Variants in PCDHGA10 observed in about 807,000 individuals in gnomAD.
The protein encoded by PCDHGA10 is protocadherin gamma subfamily A, 10.
A neutral mutation model predicts 59.5 loss-of-function variants in PCDHGA10; 42 were observed. The observed-to-expected ratio is 0.71, with a 90% CI of 0.55 to 0.91. The LOEUF (loss-of-function observed/expected upper bound fraction) is 0.91, where lower values mean the gene tolerates loss of function less well. Among genes scored for constraint, PCDHGA10 ranks in the 40% least tolerant of loss-of-function variants. PCDHGA10 has a pLI of 0.00. For synonymous variants in PCDHGA10, 511 were observed against 517.2 expected, an observed-to-expected ratio of 0.99 and a Z score of 0.16; for missense variants, 1,111 against 1,198.2, an observed-to-expected ratio of 0.93 and a Z score of 1.07.
intron 1 of PCDHGA10, among the ~76,000 whole-genome samples, chr5:141,444,199 T>C (rs2098425653): frequency 7.4e-6 from 1 of 134,516 alleles, no homozygotes; most frequent in African/African-American, 2.9e-5. Context: ...GAGATGGAGT[T>C]TCACTCTTGT....
At chr5:141,419,656 G>A (rs1374057056) in intron 1 of PCDHGA10, 15 of 1,612,528 alleles carry the variant, frequency 9.3e-6, no homozygotes, top group Non-Finnish European at 8.5e-6. Context: ...CGGACTCGGG[G>A]CACAATGCCT....
At chr5:141,418,848 G>C (rs770294020) in intron 1 of PCDHGA10, 1 of 1,613,836 alleles carries the variant, frequency 6.2e-7, no homozygotes, top group Non-Finnish European at 8.5e-7. Flanking sequence ...CTCTCAACAC[G>C]GTGTAAAGTA....
chr5:141,505,589 C>T, intron 3 of PCDHGA10, 108 bp downstream of exon 3: 1 of 1,573,272 alleles, frequency 6.4e-7, no homozygotes, highest in Non-Finnish European at 8.6e-7. Context: ...GTAGTTTCTC[C>T]AGATCTTTCG....
intron 1 of PCDHGA10, among the ~76,000 whole-genome samples, chr5:141,460,934 G>GTA (rs2099001529): frequency 2.7e-5 from 4 of 149,622 alleles, no homozygotes; most frequent in African/African-American, 9.9e-5. Context: ...ATGTGTGTGT[G>GTA]TATATATATG....
intron 2 of PCDHGA10, among the ~76,000 whole-genome samples, chr5:141,495,279 G>C (rs72790069): frequency 0.027 from 4,092 of 152,256 alleles, 88 homozygotes; most frequent in Middle Eastern, 0.048. Flanking sequence ...CGGAGGAGGC[G>C]GTCCGCACTC....
rs1431906047 is a variant in PCDHGA10, at chr5:141,485,858, C to T, written c.2437-8949C>T. On this transcript the variant is annotated intron_variant, in intron 1 of 3. Transcript: ENST00000398610. This position sits in a 1 kb window ranked among gnomAD's most constrained non-coding sequence, Gnocchi z 5.7. ...GCCGAGATCTGGCACCGCAGAGCTC[C>T]GGGTATCCGTGCTGGACGTAAACGA... The T allele has an allele frequency of 1.9e-6, 3 of 1,614,162 alleles. No individual in the cohort carries two copies. The highest frequency in any genetic ancestry group is 2.5e-6 in the Non-Finnish European group (3 of 1,180,028).
chr5:141,420,336 T>C, intron 1 of PCDHGA10: 1 of 1,399,186 alleles, frequency 7.1e-7, no homozygotes, highest in East Asian at 2.5e-5. Flanking sequence ...TATTCCAATA[T>C]AGTGGTATTA....
At chr5:141,418,800 GAT>G (rs777421725) in intron 1 of PCDHGA10, 1 of 1,613,800 alleles carries the variant, frequency 6.2e-7, no homozygotes, top group Non-Finnish European at 8.5e-7. Flanking sequence ...GAAGTAGAAA[GAT>G]ATACGATAAA....
intron 1 of PCDHGA10, among the ~76,000 whole-genome samples, chr5:141,438,019 G>A (rs1031334687): frequency 1.3e-5 from 2 of 152,104 alleles, no homozygotes; most frequent in Non-Finnish European, 2.9e-5. Context: ...GAGATTACAG[G>A]TGTGAGCCAC....
Position 141,484,782 on chromosome 5 carries a change from C to A in PCDHGA10, c.2437-10025C>A, listed in dbSNP as rs572593816. 2.0e-5 allele frequency among the ~76,000 whole-genome samples: 3 copies of A among 152,066 alleles called. No homozygotes were observed. In the South Asian group the frequency reaches 6.3e-4, roughly 32 times the overall value. On this transcript the variant is annotated intron_variant, in intron 1 of 3. Transcript: ENST00000398610. Reference sequence around the variant, plus strand: ...TATATATATGTTGTCTGCCTCCCCACAGAGATAACAACCCGTGGAAAAACA... The same window carrying A: ...TATATATATGTTGTCTGCCTCCCCAAAGAGATAACAACCCGTGGAAAAACA...
chr5:141,450,006 C>CTTTT (rs1554136305), intron 1 of PCDHGA10, among the ~76,000 whole-genome samples: 4 of 132,984 alleles, frequency 3.0e-5, no homozygotes, highest in South Asian at 2.3e-4. Flanking sequence ...TGCCATGTCT[C>CTTTT]TTTTTTTTTT....
intron 2 of PCDHGA10, among the ~76,000 whole-genome samples, chr5:141,496,769 C>T (rs1434587849): frequency 2.0e-5 from 3 of 152,064 alleles, no homozygotes; most frequent in African/African-American, 7.3e-5. Flanking sequence ...CGAGCATCTA[C>T]TATGAGCAGG....
At chr5:141,418,310 G>C (rs778649723) in intron 1 of PCDHGA10, 2 of 1,613,990 alleles carry the variant, frequency 1.2e-6, no homozygotes, top group Non-Finnish European at 1.7e-6. Context: ...CCTGGGGATG[G>C]GAACAATTCT....
chr5:141,469,697 T>G (rs2154570403), intron 1 of PCDHGA10, among the ~76,000 whole-genome samples: 1 of 152,392 alleles, frequency 6.6e-6, no homozygotes, highest in African/African-American at 2.4e-5. Context: ...TCCTATGACC[T>G]AGTAATCACA....
chr5:141,474,188 T>C (rs1203777014), intron 1 of PCDHGA10, among the ~76,000 whole-genome samples: 1 of 152,216 alleles, frequency 6.6e-6, no homozygotes, highest in Non-Finnish European at 1.5e-5. Context: ...CTACTTACAT[T>C]TTTAAAAGCT....
At chr5:141,422,464 A>G (rs1303001624) in intron 1 of PCDHGA10, 1 of 1,613,502 alleles carries the variant, frequency 6.2e-7, no homozygotes, top group Admixed American at 1.7e-5. Context: ...AGTGCTGGAC[A>G]GGGAGTTGGT....
In PCDHGA10 at chr5:141,511,351, C is replaced by A. The variant is rs1190324197; in HGVS notation, c.*178C>A. 11 of 1,386,432 alleles carry A rather than the reference C, an allele frequency of 7.9e-6. No individual in the cohort carries two copies. Among genetic ancestry groups the A allele is most frequent in the South Asian group, 4.5e-5 (3 of 67,158 alleles). The allele number at this position is 1,386,432 out of a possible 1,614,324, so 85.9% of individuals were successfully genotyped here. On this transcript the variant is annotated 3_prime_UTR_variant, in exon 4 of 4. Transcript: ENST00000398610. ...CCAGTCAGCACCTACCCCTTCCCCC[C>A]CAGGGGGTTGAATATGCAAAAGCAG...
In PCDHGA10 at chr5:141,414,557, A is replaced by G. The variant is rs749209012; in HGVS notation, c.1382A>G (p.Tyr461Cys). The G allele has an allele frequency of 1.3e-5, 21 of 1,613,786 alleles. No individual in the cohort carries two copies. The highest frequency in any genetic ancestry group is 1.8e-5 in the Non-Finnish European group (21 of 1,179,874). The part of the protein sequence containing the change: ...DNPPTFSQVS[Y>C]FTYIPENNAR... ...CCACCTACCTTCTCTCAAGTCTCCT[A>G]CTTTACCTATATCCCAGAGAACAAC... Residue 461 changes from tyrosine (Y) to cysteine (C), a missense_variant, in exon 1 of 4, where the codon TAC (tyrosine) becomes TGC (cysteine). Transcript: ENST00000398610.
At position 141,476,209 on chromosome 5, in the gene PCDHGA10, G is replaced by A. The variant is rs749576231; in HGVS notation, c.2437-18598G>A. ...TTGGTGCCTTGAACAAGGCTTCCAC[G>A]GTCATTCACTATGAGATCCCGGAGG... On this transcript the variant is annotated intron_variant, in intron 1 of 3. Coordinates refer to ENST00000398610, the MANE Select transcript of PCDHGA10 (RefSeq NM_018913.3). The surrounding 1 kb of genome is among the most constrained non-coding windows in gnomAD (Gnocchi z 7.6). The A allele has an allele frequency of 3.1e-6, 5 of 1,613,974 alleles. No individual in the cohort carries two copies. Among genetic ancestry groups the A allele is most frequent in the Admixed American group, 1.7e-5 (1 of 60,014 alleles).
Sources: allele counts gnomAD v4.1 joint callset (sites outside exome capture counted in the v4.1 genomes callset), GRCh38; gene constraint gnomAD v4.1.1; non-coding constraint Gnocchi (gnomAD v3.1); transcripts MANE v1.5; gene names NCBI Gene and HGNC (gene_info 2026-07-23, HGNC 2026-07-21).